SPATA24: variants seen among roughly 807,000 people sequenced by gnomAD.
SPATA24 encodes the protein spermatogenesis-associated protein 24.
Under a neutral mutation model 28.9 loss-of-function variants are expected in SPATA24, and 21 were observed. That is an observed-to-expected ratio of 0.73 (90% CI 0.52 to 1.05). SPATA24 has a LOEUF of 1.05. SPATA24 is among the 50% of genes least tolerant of loss of function. The pLI, the probability that SPATA24 is intolerant of heterozygous loss-of-function variation, is 0.00. For synonymous variants in SPATA24, 76 were observed against 89.9 expected (o/e 0.85, Z 0.88); for missense variants, 215 against 242.9 (o/e 0.88, Z 0.76).
At chr5:139,394,141 G>T, downstream of SPATA24, 1 of 1,546,118 alleles carries the variant, frequency 6.5e-7, no homozygotes, top group Non-Finnish European at 8.7e-7. Context: ...GCTGGGCCAC[G>T]GCCTCGGGGC....
At chr5:139,394,225 C>T, downstream of SPATA24, 1 of 1,548,734 alleles carries the variant, frequency 6.5e-7, no homozygotes, top group Non-Finnish European at 8.7e-7. Flanking sequence ...GTGGGTGCTG[C>T]GGGCCGTTTC....
Position 139,402,669 on chromosome 5 carries a change from C to T in SPATA24, c.142G>A (p.Val48Ile). 4 of 1,551,858 alleles carry T rather than the reference C, an allele frequency of 2.6e-6. No individual in the cohort carries two copies. Among genetic ancestry groups the T allele is most frequent in the Non-Finnish European group, 3.5e-6 (4 of 1,147,014 alleles). Residue 48 changes from valine (V) to isoleucine (I), a missense_variant, in exon 2 of 6, where the codon GTC becomes ATC. Val to Ile is a conservative substitution (Grantham distance 29). Coordinates refer to ENST00000450845, the MANE Select transcript of SPATA24 (RefSeq NM_194296.2). Reference protein sequence around the residue: ...NVMVLQDENFVSKEEFQAVEK... With the variant: ...NVMVLQDENFISKEEFQAVEK... Reference sequence around the variant, plus strand: ...ACTGCCTGGAACTCTTCTTTACTGACAAAATTTTCGTCCTGGAGAACCATC... The same window carrying T: ...ACTGCCTGGAACTCTTCTTTACTGATAAAATTTTCGTCCTGGAGAACCATC...
chr5:139,402,769 CG>C, intron 1 of SPATA24, 76 bp from the exon 2 acceptor site: 3 of 1,113,430 alleles, frequency 2.7e-6, no homozygotes, highest in Middle Eastern at 4.4e-4. Context: ...GGACCAAAAG[CG>C]GATAACAGGA....
At chr5:139,396,980 G>C in intron 5 of SPATA24, 51 bp from the exon 6 acceptor site, 1 of 1,551,546 alleles carries the variant, frequency 6.4e-7, no homozygotes. Flanking sequence ...GGGTAGGTAG[G>C]GGCCAGAGGT....
chr5:139,398,074 A>G (rs1758749108), intron 4 of SPATA24, among the ~76,000 whole-genome samples: 1 of 152,238 alleles, frequency 6.6e-6, no homozygotes, highest in Non-Finnish European at 1.5e-5. Flanking sequence ...TAGGACTCAG[A>G]AAAAAGACCT....
chr5:139,402,372 G>T (rs906191034), intron 2 of SPATA24, among the ~76,000 whole-genome samples: 4 of 151,118 alleles, frequency 2.6e-5, no homozygotes, highest in African/African-American at 9.8e-5. Flanking sequence ...CTGCCACCAC[G>T]CATGCTTGGC....
Position 139,404,046 on chromosome 5 carries a change from G to A in SPATA24, c.15C>T (p.Leu5=), listed in dbSNP as rs898369687. 1.3e-6 allele frequency: 2 copies of A among 1,551,620 alleles called. No individual in the cohort carries two copies. Among genetic ancestry groups the A allele is most frequent in the Middle Eastern group, 1.7e-4 (1 of 5,992 alleles). The change falls in exon 1 of 6, where the codon CTC becomes CTT. Residue 5 remains leucine, a synonymous_variant. Transcript: ENST00000450845. MATP[L]GWSKAGSGSV... is the part of the protein sequence containing the mutation. ...ATCCTGACCCCGCCTTCGACCACCC[G>A]AGGGGCGTCGCCATCTTCCGCCCCC... is the stretch of plus-strand genomic sequence containing the variant.
downstream of SPATA24, chr5:139,395,181 C>A (rs1758677296): frequency 6.5e-6 from 8 of 1,225,004 alleles, no homozygotes; most frequent in Non-Finnish European, 8.5e-6. Context: ...GGGGTCACCG[C>A]GCCTTAAAGC....
Position 139,403,982 on chromosome 5 carries a change from C to CA in SPATA24, c.78dup (p.Glu27Ter). ...TGGTGGATTAGTTCCTCCTGAGACT[C>CA]AATCACGTCCCGCAGTTGATCTAAA... On this transcript the variant is annotated frameshift_variant, in exon 1 of 6. Coordinates refer to ENST00000450845, the MANE Select transcript of SPATA24 (RefSeq NM_194296.2). LOFTEE classifies it high-confidence loss of function. 6.4e-7 allele frequency: 1 copy of CA among 1,551,858 alleles called. No individual in the cohort carries two copies. Among genetic ancestry groups the CA allele is most frequent in the South Asian group, 1.2e-5 (1 of 84,052 alleles).
At position 139,396,789 on chromosome 5, in the gene SPATA24, C is replaced by T. The variant is rs1758717968; in HGVS notation, c.*11G>A. ...GGATTACAGCCAGAGAACAGGAAAGCGGCGGCCATTTTATTTTTCCCTGGG... is the reference window on the plus strand; with the variant it reads ...GGATTACAGCCAGAGAACAGGAAAGTGGCGGCCATTTTATTTTTCCCTGGG... On this transcript the variant is annotated 3_prime_UTR_variant, in exon 6 of 6. Coordinates refer to ENST00000450845, the MANE Select transcript of SPATA24 (RefSeq NM_194296.2). 2 of 1,551,712 alleles carry T rather than the reference C, an allele frequency of 1.3e-6. No individual in the cohort carries two copies. The highest frequency in any genetic ancestry group is 2.4e-5 in the South Asian group (2 of 84,058).
downstream of SPATA24, chr5:139,392,853 G>A (rs1374356806): frequency 4.5e-6 from 7 of 1,541,194 alleles, no homozygotes; most frequent in East Asian, 4.9e-5. This position sits in a 1 kb window ranked among gnomAD's most constrained non-coding sequence, Gnocchi z 5.8. Context: ...CCTCGGGCCG[G>A]CGACCCAAGG....
chr5:139,396,645 C>A (rs566893994), downstream of SPATA24: 2 of 1,497,652 alleles, frequency 1.3e-6, no homozygotes, highest in Non-Finnish European at 1.8e-6. Flanking sequence ...CAACAAAGAC[C>A]CAGCTCCTCC....
chr5:139,402,103 C>T, intron 2 of SPATA24, 58 bp from the exon 3 acceptor site: 1 of 1,515,820 alleles, frequency 6.6e-7, no homozygotes, highest in South Asian at 1.3e-5. Context: ...CTCCTAGACT[C>T]CCTTAACCAG....
At chr5:139,392,501 G>C (rs540903006), downstream of SPATA24, 4 of 1,350,192 alleles carry the variant, frequency 3.0e-6, no homozygotes, top group East Asian at 3.1e-5. The surrounding 1 kb of genome is among the most constrained non-coding windows in gnomAD (Gnocchi z 5.8). Context: ...TGCGGGGACC[G>C]GTCCGTGGGA....
chr5:139,396,561 A>C (rs1030006257), downstream of SPATA24: 20 of 1,330,130 alleles, frequency 1.5e-5, no homozygotes, highest in African/African-American at 4.4e-5. Context: ...GTGGGGTGGA[A>C]TATTACTGGG....
At chr5:139,396,011 T>C (rs1758698165), downstream of SPATA24, among the ~76,000 whole-genome samples, 1 of 152,166 alleles carries the variant, frequency 6.6e-6, no homozygotes, top group Admixed American at 6.5e-5. Context: ...CACCTGTCAT[T>C]GTCTTACAAC....
At chr5:139,395,194 C>CCG (rs1394585826), downstream of SPATA24, 3 of 1,116,156 alleles carry the variant, frequency 2.7e-6, no homozygotes, top group Non-Finnish European at 3.5e-6. Context: ...CTTAAAGCGG[C>CCG]CGCGTCCACT....
At chr5:139,394,833 C>A, downstream of SPATA24, 35 of 1,531,244 alleles carry the variant, frequency 2.3e-5, no homozygotes, top group Non-Finnish European at 3.1e-5. Flanking sequence ...CCGAGCCGGG[C>A]CCGTGCCGCT....
chr5:139,403,800 C>A, intron 1 of SPATA24, 144 bp downstream of exon 1: 1 of 684,062 alleles, frequency 1.5e-6, no homozygotes, highest in Admixed American at 2.6e-5. Context: ...GGCTCCACCC[C>A]TACCGACTGA....
Sources: gnomAD v4.1 joint callset for allele counts (sites outside exome capture counted in the v4.1 genomes callset) on GRCh38, gnomAD v4.1.1 for gene constraint, Gnocchi (gnomAD v3.1) non-coding constraint, MANE v1.5 for transcripts, NCBI Gene and HGNC (gene_info 2026-07-23, HGNC 2026-07-21) for gene names.